The following PPIL3 variants were observed in gnomAD, a reference collection of about 807,000 sequenced individuals.
PPIL3 encodes the protein peptidyl-prolyl cis-trans isomerase-like 3.
In PPIL3, 13 loss-of-function variants were observed where a neutral mutation model predicts 20.9. The observed-to-expected ratio is 0.62, with a 90% CI of 0.40 to 0.99. PPIL3 has a LOEUF of 0.99. Ranked by LOEUF, PPIL3 falls within the 50% of genes least tolerant of loss-of-function variation. The pLI is 0.00. For synonymous variants in PPIL3, 71 were observed against 64.4 expected, an observed-to-expected ratio of 1.10 and a Z score of -0.49; for missense variants, 170 against 195.2, an observed-to-expected ratio of 0.87 and a Z score of 0.77.
rs62189331 is a variant in PPIL3, at chr2:200,875,466, C to T, written c.359+1453G>A. ...TATTTTTAGTAGAGATGGGGTTTCA[C>T]CATGTTGGCCTGGATGGTCTTGATC... On this transcript the variant is annotated intron_variant, in intron 6 of 6. Transcript: ENST00000392283. Among the ~76,000 whole-genome samples the T allele has an allele frequency of 7.8e-3, 1,182 of 152,142 alleles. 42 individuals carry two copies. The East Asian group carries it at 0.098, about 13-fold the overall frequency.
At chr2:200,881,552 C>T in intron 4 of PPIL3, 64 bp from the exon 5 acceptor site, 1 of 1,391,868 alleles carries the variant, frequency 7.2e-7, no homozygotes, top group East Asian at 2.3e-5. Flanking sequence ...GTTCATTTCC[C>T]AAAACTTAAG....
intron 6 of PPIL3, among the ~76,000 whole-genome samples, chr2:200,876,403 A>G (rs564436611): frequency 6.6e-6 from 1 of 152,300 alleles, no homozygotes; most frequent in East Asian, 1.9e-4. Context: ...AATAAGGAAA[A>G]TAAAGCTCAG....
At chr2:200,885,831 G>T in intron 2 of PPIL3, 59 bp from the exon 3 acceptor site, 1 of 1,031,910 alleles carries the variant, frequency 9.7e-7, no homozygotes, top group Non-Finnish European at 1.5e-6. Context: ...TTTATGCATT[G>T]TTTATTTCCC....
chr2:200,885,731 T>C lies in PPIL3; in HGVS notation c.45A>G (p.Glu15=). Residue 15 remains glutamate, a synonymous_variant, in exon 3 of 7, where the codon GAA becomes GAG. Transcript: ENST00000392283. ...TTTTGGGTGTCCTCTCACAGAAGAC[T>C]TCAATTTTAATATCACCTACATCTG... is the stretch of plus-strand genomic sequence containing the variant. ...LHTDVGDIKI[E]VFCERTPKTC... 1.3e-6 allele frequency: 2 copies of C among 1,593,334 alleles called. No homozygotes were observed. The highest frequency in any genetic ancestry group is 1.7e-6 in the Non-Finnish European group (2 of 1,163,238).
intron 2 of PPIL3, 124 bp downstream of exon 2, chr2:200,887,489 C>G: frequency 1.9e-6 from 1 of 532,390 alleles, no homozygotes; most frequent in Non-Finnish European, 3.3e-6. Flanking sequence ...ATATTAAGTG[C>G]TTCTATATTA....
intron 3 of PPIL3, among the ~76,000 whole-genome samples, chr2:200,882,675 C>T (rs1477687890): frequency 1.3e-5 from 2 of 151,896 alleles, no homozygotes; most frequent in Non-Finnish European, 2.9e-5. Context: ...TTTGGGAGGC[C>T]GAGGTGGGTG....
In PPIL3 at chr2:200,871,294, AAGC is replaced by A; in HGVS notation, c.*98_*100del. 7.8e-7 allele frequency: 1 copy of A among 1,276,236 alleles called. No homozygotes were observed. The highest frequency in any genetic ancestry group is 1.1e-6 in the Non-Finnish European group (1 of 930,328). 79.1% of individuals were successfully genotyped at this position (1,276,236 alleles called of 1,614,324 possible). ...TTCATAGAAGATCATAGTTGTAAAC[AAGC>A]AGAAGGATGATGCAATCTCTGACAT... On this transcript the variant is annotated 3_prime_UTR_variant, in exon 7 of 7. Coordinates refer to ENST00000392283, the MANE Select transcript of PPIL3 (RefSeq NM_130906.3).
In PPIL3 at chr2:200,876,723, A is replaced by G. The variant is rs566655762; in HGVS notation, c.359+196T>C. Among the ~76,000 whole-genome samples, 361 of 152,188 alleles carry G rather than the reference A, an allele frequency of 2.4e-3. 1 individual carries two copies. Among genetic ancestry groups the G allele is most frequent in the African/African-American group, 8.0e-3 (332 of 41,528 alleles). On this transcript the variant is annotated intron_variant, in intron 6 of 6. Coordinates refer to ENST00000392283, the MANE Select transcript of PPIL3 (RefSeq NM_130906.3). ...TTTTAGTAGAGACAGGGGTTCTGCC[A>G]CATTGGCCAGGCTGGTCTCGAACTC...
At chr2:200,871,977 G>C (rs898457017) in intron 6 of PPIL3, among the ~76,000 whole-genome samples, 2 of 151,922 alleles carry the variant, frequency 1.3e-5, no homozygotes, top group African/African-American at 4.8e-5. Context: ...GATCTCACTG[G>C]GACTACAAAT....
chr2:200,887,458 A>AT (rs1414773334), intron 2 of PPIL3, among the ~76,000 whole-genome samples, 155 bp downstream of exon 2: 3 of 150,338 alleles, frequency 2.0e-5, no homozygotes, highest in African/African-American at 4.9e-5. Flanking sequence ...AATTTTGTGT[A>AT]TTTTTTAAAA....
intron 5 of PPIL3, among the ~76,000 whole-genome samples, chr2:200,879,125 C>CTT (rs1056461692): frequency 6.9e-6 from 1 of 144,956 alleles, no homozygotes; most frequent in Non-Finnish European, 1.5e-5. Context: ...TATAATGGTT[C>CTT]TTTTTTTTTT....
intron 6 of PPIL3, among the ~76,000 whole-genome samples, chr2:200,872,322 T>G (rs1157142063): frequency 6.6e-6 from 1 of 152,126 alleles, no homozygotes; most frequent in Non-Finnish European, 1.5e-5. Flanking sequence ...TTCCATGCTC[T>G]TCTCGGGGTG....
rs1030810686 is a variant in PPIL3, at chr2:200,889,014, A to G, written c.-129T>C. 2.1e-6 allele frequency: 1 copy of G among 471,144 alleles called. No individual in the cohort carries two copies. Among genetic ancestry groups the G allele is most frequent in the African/African-American group, 2.0e-5 (1 of 50,108 alleles). 29.2% of individuals were successfully genotyped at this position (471,144 alleles called of 1,614,324 possible). On this transcript the variant is annotated 5_prime_UTR_variant, in exon 1 of 7. Coordinates refer to ENST00000392283, the MANE Select transcript of PPIL3 (RefSeq NM_130906.3). ...GTTAAAACAGGAAAAATGCAATCGCAGATGCCAGCAGAGGTCTGTTGGTTC... is the reference window on the plus strand; with the variant it reads ...GTTAAAACAGGAAAAATGCAATCGCGGATGCCAGCAGAGGTCTGTTGGTTC...
chr2:200,885,774 TA>T lies in PPIL3; in HGVS notation c.4-3del. On this transcript the variant is annotated splice_region_variant and splice_polypyrimidine_tract_variant and intron_variant, in intron 2 of 6. Coordinates refer to ENST00000392283, the MANE Select transcript of PPIL3 (RefSeq NM_130906.3). ...TACATCTGTATGCAGTGTCACAGAC[TA>T]AAAAGGAGAGAAAATGTGAGAACAA... 6.4e-7 allele frequency: 1 copy of T among 1,565,604 alleles called. No homozygotes were observed.
intron 2 of PPIL3, among the ~76,000 whole-genome samples, 199 bp from the exon 3 acceptor site, chr2:200,885,971 G>GA (rs1481914453): frequency 1.3e-5 from 2 of 152,056 alleles, no homozygotes; most frequent in African/African-American, 4.8e-5. Flanking sequence ...CAACAGTAGA[G>GA]AAAAAACTCC....
intron 6 of PPIL3, among the ~76,000 whole-genome samples, chr2:200,873,163 A>G (rs973731033): frequency 2.7e-5 from 4 of 150,610 alleles, no homozygotes; most frequent in South Asian, 2.1e-4. Flanking sequence ...CACCAAGCCC[A>G]GCAGTTAATT....
intron 3 of PPIL3, among the ~76,000 whole-genome samples, chr2:200,882,936 C>T (rs981451841): frequency 2.0e-5 from 3 of 150,754 alleles, no homozygotes; most frequent in Non-Finnish European, 4.4e-5. Context: ...AGAAAATCTT[C>T]AGCAGGGCCT....
chr2:200,886,006 A>T (rs1305885428), intron 2 of PPIL3, among the ~76,000 whole-genome samples: 4 of 152,250 alleles, frequency 2.6e-5, no homozygotes, highest in Non-Finnish European at 4.4e-5. Flanking sequence ...AGGGTTAAGT[A>T]GTATCCATGA....
At chr2:200,885,640 C>G in intron 3 of PPIL3, 58 bp downstream of exon 3, 1 of 1,115,734 alleles carries the variant, frequency 9.0e-7, no homozygotes, top group Admixed American at 2.0e-5. Context: ...TTATTCAATT[C>G]CAAAGTGCTT....
Sources: allele counts gnomAD v4.1 joint callset (sites outside exome capture counted in the v4.1 genomes callset), GRCh38; gene constraint gnomAD v4.1.1; transcripts MANE v1.5; gene names NCBI Gene and HGNC (gene_info 2026-07-23, HGNC 2026-07-21).